The following PPM1H variants were observed in gnomAD, a reference collection of about 807,000 sequenced individuals.
PPM1H encodes protein phosphatase, Mg2+/Mn2+ dependent 1H.
Under a neutral mutation model 54.9 loss-of-function variants are expected in PPM1H, and 27 were observed. The observed-to-expected ratio is 0.49, with a 90% CI of 0.36 to 0.68. PPM1H has a LOEUF of 0.68. Ranked by LOEUF, PPM1H falls within the 30% of genes least tolerant of loss-of-function variation. PPM1H has a pLI of 0.00. For synonymous variants in PPM1H, 305 were observed against 270.8 expected, an observed-to-expected ratio of 1.13 and a Z score of -1.24; for missense variants, 596 against 667.8, an observed-to-expected ratio of 0.89 and a Z score of 1.19.
rs1190372389 is a variant in PPM1H at position 62,696,403 on chromosome 12, G to GT, written c.1074-2405dup. 3.9e-5 allele frequency among the ~76,000 whole-genome samples: 6 copies of GT among 152,286 alleles called. No homozygotes were observed. The East Asian group carries it at 1.2e-3, about 29-fold the overall frequency. On this transcript the variant is annotated intron_variant, in intron 6 of 9. Transcript: ENST00000228705. ...GGTTTATTCTGCCCCGCCAGTGTTG[G>GT]TTTTCAATCAACTATGAGCACTCCC...
chr12:62,763,552 C>T lies in PPM1H; in HGVS notation c.869+24674G>A, dbSNP rs916302355. On this transcript the variant is annotated intron_variant, in intron 4 of 9. Coordinates refer to ENST00000228705, the MANE Select transcript of PPM1H (RefSeq NM_020700.2). ...CAAATTGCTACAACCTCTTGCCAGT[C>T]CTCGGCTCATTTCTTCCTCAGCTCT... Among the ~76,000 whole-genome samples the T allele has an allele frequency of 2.0e-5, 3 of 152,232 alleles. No homozygotes were observed. In the East Asian group the frequency reaches 5.8e-4, roughly 29 times the overall value.
intron 1 of PPM1H, among the ~76,000 whole-genome samples, chr12:62,908,422 A>AAAAGAAAG (rs71450598): frequency 1.5e-5 from 2 of 134,274 alleles, no homozygotes; most frequent in Non-Finnish European, 3.2e-5. Flanking sequence ...AAAAAAAAAA[A>AAAAGAAAG]AAAGAAAGAA....
intron 7 of PPM1H, among the ~76,000 whole-genome samples, chr12:62,690,662 G>A (rs767175268): frequency 6.6e-6 from 1 of 152,174 alleles, no homozygotes; most frequent in Non-Finnish European, 1.5e-5. Flanking sequence ...AATGTCTAAG[G>A]CCTCGTCCCT....
intron 1 of PPM1H, among the ~76,000 whole-genome samples, chr12:62,868,664 T>C (rs995611364): frequency 2.0e-5 from 3 of 152,104 alleles, no homozygotes; most frequent in Non-Finnish European, 2.9e-5. Context: ...CCTGTACAAA[T>C]ATGCACAGGA....
At chr12:62,919,806 A>C (rs1346005665) in intron 1 of PPM1H, among the ~76,000 whole-genome samples, 1 of 152,114 alleles carries the variant, frequency 6.6e-6, no homozygotes, top group East Asian at 1.9e-4. Flanking sequence ...GGCAGGTGGC[A>C]AGGCTTCAGG....
intron 4 of PPM1H, among the ~76,000 whole-genome samples, chr12:62,782,501 G>A (rs904134345): frequency 1.2e-4 from 19 of 152,188 alleles, no homozygotes. Context: ...CTAAAAAGGA[G>A]TGAAAGATAA....
At chr12:62,848,757 C>T (rs1345026848) in intron 1 of PPM1H, among the ~76,000 whole-genome samples, 1 of 152,128 alleles carries the variant, frequency 6.6e-6, no homozygotes, top group African/African-American at 2.4e-5. Flanking sequence ...CGTGATATAC[C>T]CTTAGTTTAT....
chr12:62,729,992 G>C (rs914433667), intron 5 of PPM1H, among the ~76,000 whole-genome samples: 3 of 152,142 alleles, frequency 2.0e-5, no homozygotes, highest in African/African-American at 4.8e-5. Context: ...CTGATGACAT[G>C]GTCTTGTGAA....
At chr12:62,789,612 G>A (rs1367459585) in intron 3 of PPM1H, among the ~76,000 whole-genome samples, 2 of 152,134 alleles carry the variant, frequency 1.3e-5, no homozygotes, top group South Asian at 2.1e-4. Flanking sequence ...CTTTCTCTAC[G>A]TCACGTAGTG....
intron 4 of PPM1H, among the ~76,000 whole-genome samples, chr12:62,749,530 G>C (rs944493041): frequency 6.6e-6 from 1 of 152,180 alleles, no homozygotes; most frequent in Non-Finnish European, 1.5e-5. Flanking sequence ...GCAGCTGAGG[G>C]ACAAGCCAGG....
chr12:62,781,571 G>T (rs1227717933), intron 4 of PPM1H, among the ~76,000 whole-genome samples: 1 of 152,224 alleles, frequency 6.6e-6, no homozygotes, highest in Non-Finnish European at 1.5e-5. Context: ...AGCATGCATT[G>T]GAGTCACCTG....
chr12:62,735,114 A>T (rs1344979107), intron 5 of PPM1H, among the ~76,000 whole-genome samples: 1 of 152,198 alleles, frequency 6.6e-6, no homozygotes, highest in Non-Finnish European at 1.5e-5. Flanking sequence ...CAAAGGCTTC[A>T]TACCCTGCTG....
At chr12:62,880,290 G>T (rs555860887) in intron 1 of PPM1H, among the ~76,000 whole-genome samples, 304 of 152,322 alleles carry the variant, frequency 2.0e-3, no homozygotes, top group Non-Finnish European at 3.6e-3. Context: ...AATTTGCAAA[G>T]ATCAAGTTTG....
chr12:62,871,352 G>A (rs1163950068), intron 1 of PPM1H, among the ~76,000 whole-genome samples: 1 of 152,120 alleles, frequency 6.6e-6, no homozygotes, highest in Non-Finnish European at 1.5e-5. Context: ...CATAGAGACA[G>A]CAAGTAGATT....
intron 2 of PPM1H, among the ~76,000 whole-genome samples, chr12:62,820,591 G>A (rs2076897264): frequency 6.6e-6 from 1 of 152,206 alleles, no homozygotes; most frequent in African/African-American, 2.4e-5. Context: ...CAATATTGCG[G>A]TTCTGCAGCC....
chr12:62,662,743 A>G (rs1007742148), intron 9 of PPM1H, among the ~76,000 whole-genome samples: 2 of 152,326 alleles, frequency 1.3e-5, no homozygotes, highest in South Asian at 2.1e-4. Flanking sequence ...TAGTTTAAAA[A>G]TAACACAAAC....
At chr12:62,649,268 G>T (rs2075803561) in intron 9 of PPM1H, among the ~76,000 whole-genome samples, 1 of 150,112 alleles carries the variant, frequency 6.7e-6, no homozygotes, top group South Asian at 2.1e-4. Context: ...TGAGTGAGCT[G>T]CTTACTTGTC....
At chr12:62,689,105 T>G (rs1334772689) in intron 8 of PPM1H, among the ~76,000 whole-genome samples, 1 of 152,172 alleles carries the variant, frequency 6.6e-6, no homozygotes, top group East Asian at 1.9e-4. Context: ...TACTTCTGGT[T>G]GGGCAAGGAA....
chr12:62,903,947 T>C (rs1871234851), intron 1 of PPM1H, among the ~76,000 whole-genome samples: 1 of 152,154 alleles, frequency 6.6e-6, no homozygotes. Flanking sequence ...AAAGGGTCGA[T>C]TTATTTTTTT....
Sources: allele counts gnomAD v4.1 joint callset (sites outside exome capture counted in the v4.1 genomes callset), GRCh38; gene constraint gnomAD v4.1.1; transcripts MANE v1.5; gene names NCBI Gene and HGNC (gene_info 2026-07-23, HGNC 2026-07-21).